Variants in DOCK9 observed in about 807,000 individuals in gnomAD.
DOCK9 encodes dedicator of cytokinesis protein 9.
DOCK9 carries 89 observed loss-of-function variants against 263.3 expected under a neutral mutation model. That is an observed-to-expected ratio of 0.34 (90% CI 0.28 to 0.40). The LOEUF is 0.40. Among genes scored for constraint, DOCK9 ranks in the 10% least tolerant of loss-of-function variants. DOCK9 has a pLI of 1.00. For synonymous variants in DOCK9, 976 were observed against 973.1 expected, an observed-to-expected ratio of 1.00 and a Z score of -0.06; for missense variants, 2,140 against 2,603.4, an observed-to-expected ratio of 0.82 and a Z score of 3.87.
intron 1 of DOCK9, among the ~76,000 whole-genome samples, chr13:99,076,025 C>T (rs886643702): frequency 1.3e-5 from 2 of 152,120 alleles, no homozygotes; most frequent in African/African-American, 4.8e-5. Context: ...GAAAGAGAGG[C>T]AGGAAGATTC....
chr13:98,937,396 AAGAT>A (rs1353088382), intron 2 of DOCK9, among the ~76,000 whole-genome samples: 2 of 152,178 alleles, frequency 1.3e-5, no homozygotes, highest in Non-Finnish European at 2.9e-5. Flanking sequence ...GAAAAAAAGA[AAGAT>A]AGGTAGATAG....
chr13:99,075,682 C>CTT (rs5806093), intron 1 of DOCK9, among the ~76,000 whole-genome samples: 2 of 148,644 alleles, frequency 1.3e-5, no homozygotes, highest in Non-Finnish European at 3.0e-5. Flanking sequence ...CTATTTATAA[C>CTT]TTTTTTTTTT....
chr13:98,896,063 C>T (rs2047379460), intron 15 of DOCK9, among the ~76,000 whole-genome samples: 1 of 152,166 alleles, frequency 6.6e-6, no homozygotes, highest in Non-Finnish European at 1.5e-5. Flanking sequence ...AGGTTCATTC[C>T]AAATCAGCCC....
intron 39 of DOCK9, among the ~76,000 whole-genome samples, chr13:98,835,491 C>A (rs2092956586): frequency 6.6e-6 from 1 of 152,050 alleles, no homozygotes; most frequent in Non-Finnish European, 1.5e-5. Context: ...AAACAGGAAA[C>A]ATTTTTTGCA....
In DOCK9 at chr13:98,915,591, C is replaced by T. The variant is rs1021232753; in HGVS notation, c.718-88G>A. 3 of 1,305,786 alleles carry T rather than the reference C, an allele frequency of 2.3e-6. No individual in the cohort carries two copies. The Admixed American group carries it at 8.2e-5, about 36-fold the overall frequency. 80.9% of individuals were successfully genotyped at this position (1,305,786 alleles called of 1,614,324 possible). A position where few individuals can be genotyped will look rare whatever the true frequency, so the allele number is the denominator to read the frequency against. On this transcript the variant is annotated intron_variant, in intron 7 of 52. Coordinates refer to ENST00000682017, the MANE Select transcript of DOCK9 (RefSeq NM_001366683.2). ...ACTCTCTCTTGTTGGTGAGTGATAT[C>T]TCATTGGCATTTAGAACCAAGCTAT...
intron 27 of DOCK9, among the ~76,000 whole-genome samples, chr13:98,878,700 G>A (rs767968586): frequency 8.5e-5 from 13 of 152,174 alleles, no homozygotes; most frequent in Admixed American, 1.3e-4. Context: ...ACTAAAATCA[G>A]AAGCTCTAAA....
At chr13:98,802,415 C>T (rs945215952) in intron 49 of DOCK9, among the ~76,000 whole-genome samples, 3 of 152,160 alleles carry the variant, frequency 2.0e-5, no homozygotes, top group African/African-American at 4.8e-5. Context: ...ATTAGGTGAC[C>T]GACTGAGCCA....
intron 45 of DOCK9, among the ~76,000 whole-genome samples, chr13:98,815,906 T>C (rs1180045573): frequency 6.6e-6 from 1 of 152,224 alleles, no homozygotes; most frequent in Non-Finnish European, 1.5e-5. Flanking sequence ...TAAAGAGTCT[T>C]AACTCCACGC....
At chr13:99,037,550 T>A (rs560612455) in intron 1 of DOCK9, among the ~76,000 whole-genome samples, 2 of 152,210 alleles carry the variant, frequency 1.3e-5, no homozygotes, top group African/African-American at 2.4e-5. Flanking sequence ...AAAATAATCT[T>A]GCAGTTTTGT....
Position 98,805,908 on chromosome 13 carries a change from G to A in DOCK9, c.5515-699C>T, listed in dbSNP as rs1443936417. 2.0e-5 allele frequency among the ~76,000 whole-genome samples: 3 copies of A among 152,130 alleles called. No individual in the cohort carries two copies. In the East Asian group the frequency reaches 5.8e-4, roughly 29 times the overall value. ...CCCAAGTAGCTGTGACTACAGGTGT[G>A]TGCCACCATGCCCAGCTAATTATAT... is the stretch of plus-strand genomic sequence containing the variant. On this transcript the variant is annotated intron_variant, in intron 48 of 52. Transcript: ENST00000682017.
intron 27 of DOCK9, among the ~76,000 whole-genome samples, chr13:98,874,443 C>T (rs1279978729): frequency 1.3e-5 from 2 of 152,202 alleles, no homozygotes; most frequent in East Asian, 3.8e-4. Flanking sequence ...AATAAAGCTA[C>T]TGTGCACATT....
chr13:98,896,380 A>G (rs1041300825), intron 15 of DOCK9, among the ~76,000 whole-genome samples: 1 of 151,966 alleles, frequency 6.6e-6, no homozygotes, highest in Non-Finnish European at 1.5e-5. Context: ...TATCGTTTCT[A>G]TTCCTACTAC....
chr13:98,846,232 G>A (rs561706093), intron 37 of DOCK9, among the ~76,000 whole-genome samples, 172 bp from the exon 38 acceptor site: 2 of 152,240 alleles, frequency 1.3e-5, no homozygotes, highest in African/African-American at 2.4e-5. Context: ...ACACTTCACG[G>A]CAAAGCACCT....
upstream of DOCK9, among the ~76,000 whole-genome samples, chr13:98,981,430 C>T (rs1330617233): frequency 6.6e-6 from 1 of 152,182 alleles, no homozygotes; most frequent in African/African-American, 2.4e-5. Flanking sequence ...GTGCAATATA[C>T]AAGGCTGGCA....
chr13:98,888,152 A>T lies in DOCK9; in HGVS notation c.2043+6T>A. On this transcript the variant is annotated splice_donor_region_variant and intron_variant, in intron 18 of 52. Coordinates refer to ENST00000682017, the MANE Select transcript of DOCK9 (RefSeq NM_001366683.2). ...GTAGGTGAACATATATTAAAAAAAA[A>T]CAAACCTTAAGGGGCTGAGAGTCTT... The T allele has an allele frequency of 6.3e-7, 1 of 1,579,780 alleles. No individual in the cohort carries two copies. The highest frequency in any genetic ancestry group is 1.4e-5 in the African/African-American group (1 of 73,308).
At chr13:99,003,338 A>T (rs1162504094) in intron 1 of DOCK9, among the ~76,000 whole-genome samples, 3 of 152,186 alleles carry the variant, frequency 2.0e-5, no homozygotes, top group Non-Finnish European at 4.4e-5. Context: ...ACTCAGCTCC[A>T]GGCTCCTTTC....
Position 98,794,542 on chromosome 13 carries a change from G to A in DOCK9, c.*84C>T, listed in dbSNP as rs946387021. On this transcript the variant is annotated 3_prime_UTR_variant, in exon 53 of 53. Coordinates refer to ENST00000682017, the MANE Select transcript of DOCK9 (RefSeq NM_001366683.2). ...CTTCCCCTTGGTCCTCCCTGTGCTCGGTCTCCCCAGTGATTGGCTTTGGAA... is the reference window on the plus strand; with the variant it reads ...CTTCCCCTTGGTCCTCCCTGTGCTCAGTCTCCCCAGTGATTGGCTTTGGAA... 11 of 1,441,012 alleles carry A rather than the reference G, an allele frequency of 7.6e-6. No homozygotes were observed. Among genetic ancestry groups the A allele is most frequent in the Admixed American group, 2.3e-5 (1 of 44,430 alleles). The allele number at this position is 1,441,012 out of a possible 1,614,324, so 89.3% of individuals were successfully genotyped here.
intron 45 of DOCK9, among the ~76,000 whole-genome samples, chr13:98,817,226 A>AG (rs2091924530): frequency 6.6e-6 from 1 of 152,100 alleles, no homozygotes; most frequent in Non-Finnish European, 1.5e-5. Flanking sequence ...TGATAGACTA[A>AG]GATTGGGGTT....
chr13:99,026,143 G>A (rs1436044889), intron 1 of DOCK9, among the ~76,000 whole-genome samples: 1 of 151,706 alleles, frequency 6.6e-6, no homozygotes, highest in Non-Finnish European at 1.5e-5. Context: ...GAGTTCCGGG[G>A]TGATGGCTAA....
Sources: gnomAD v4.1 joint callset for allele counts (sites outside exome capture counted in the v4.1 genomes callset) on GRCh38, gnomAD v4.1.1 for gene constraint, MANE v1.5 for transcripts, NCBI Gene and HGNC (gene_info 2026-07-23, HGNC 2026-07-21) for gene names.